Variants in BICD1 observed in about 807,000 individuals in gnomAD.
BICD1 encodes protein bicaudal D homolog 1.
Under a neutral mutation model 92.5 loss-of-function variants are expected in BICD1, and 35 were observed. That is an observed-to-expected ratio of 0.38 (90% confidence interval 0.29 to 0.50). The LOEUF is 0.50. BICD1 is among the 20% of genes least tolerant of loss of function. BICD1 has a pLI of 0.93. For missense variants in BICD1, 950 were observed against 1,189.8 expected (o/e 0.80, Z 2.97); for synonymous variants, 429 against 465.1 (o/e 0.92, Z 1.00).
At chr12:32,214,250 A>C (rs536127362) in intron 1 of BICD1, among the ~76,000 whole-genome samples, 2 of 152,246 alleles carry the variant, frequency 1.3e-5, no homozygotes, top group African/African-American at 4.8e-5. Context: ...TAACTTCTCC[A>C]AAGACCCTAG....
chr12:32,190,695 C>A (rs879662264), intron 1 of BICD1, among the ~76,000 whole-genome samples: 1 of 152,152 alleles, frequency 6.6e-6, no homozygotes, highest in Non-Finnish European at 1.5e-5. Flanking sequence ...ATTATCCAGA[C>A]AGAAAATCAA....
chr12:32,321,341 T>C (rs1948650911), intron 4 of BICD1, among the ~76,000 whole-genome samples: 1 of 151,526 alleles, frequency 6.6e-6, no homozygotes. Flanking sequence ...AAATAAAAAA[T>C]AAAAGGTAAA....
chr12:32,240,432 G>A (rs189756923), intron 2 of BICD1, among the ~76,000 whole-genome samples: 1 of 152,224 alleles, frequency 6.6e-6, no homozygotes, highest in Admixed American at 6.5e-5. Flanking sequence ...CATTCTGTGT[G>A]TTCACTGACT....
At chr12:32,149,020 C>CA (rs35156666) in intron 1 of BICD1, among the ~76,000 whole-genome samples, 25,938 of 146,724 alleles carry the variant, frequency 0.18, 2,495 homozygotes, top group East Asian at 0.28. Flanking sequence ...GCTCTGTCTC[C>CA]AAAAAAAAAA....
intron 2 of BICD1, among the ~76,000 whole-genome samples, chr12:32,232,461 T>A (rs1396839117): frequency 2.0e-4 from 30 of 150,066 alleles, no homozygotes; most frequent in Admixed American, 4.0e-4. Flanking sequence ...TAAATTTGTT[T>A]GAGTTCATTG....
At chr12:32,197,387 A>G (rs1183268324) in intron 1 of BICD1, among the ~76,000 whole-genome samples, 1 of 152,234 alleles carries the variant, frequency 6.6e-6, no homozygotes, top group Non-Finnish European at 1.5e-5. Context: ...AAGCATTGGC[A>G]GGGTTATGAG....
rs35062570 is a variant in BICD1 at position 32,291,529 on chromosome 12, CAA to C, written c.427-2455_427-2454del. On this transcript the variant is annotated intron_variant, in intron 2 of 9. Transcript: ENST00000652176. ...CAACAGAGCAAGACCCTGCTTCTAC[CAA>C]AAAAAAAAATATATATTAAATTTGT... Among the ~76,000 whole-genome samples, 527 of 147,226 alleles carry C rather than the reference CAA, an allele frequency of 3.6e-3. 5 individuals carry two copies. Among genetic ancestry groups the C allele is most frequent in the African/African-American group, 0.013 (500 of 39,760 alleles).
intron 4 of BICD1, among the ~76,000 whole-genome samples, chr12:32,325,147 G>GTT (rs57917790): frequency 6.7e-6 from 1 of 149,966 alleles, no homozygotes; most frequent in South Asian, 2.1e-4. Flanking sequence ...CTCCATTTAT[G>GTT]TTTTTTTTTT....
intron 1 of BICD1, among the ~76,000 whole-genome samples, chr12:32,173,065 T>TGC (rs1943993439): frequency 1.7e-5 from 2 of 119,034 alleles, no homozygotes; most frequent in Non-Finnish European, 4.0e-5. Context: ...TTGTTTTTTT[T>TGC]GGAGACAGCG....
At chr12:32,376,857 G>A (rs1939989717) in intron 9 of BICD1, among the ~76,000 whole-genome samples, 1 of 102,648 alleles carries the variant, frequency 9.7e-6, no homozygotes, top group Non-Finnish European at 1.8e-5. Flanking sequence ...AAAACAACGA[G>A]ACTCCATCTA....
intron 3 of BICD1, among the ~76,000 whole-genome samples, chr12:32,299,085 AT>A (rs1279328355): frequency 6.6e-6 from 1 of 152,192 alleles, no homozygotes; most frequent in Non-Finnish European, 1.5e-5. Flanking sequence ...TTAAAGCCAC[AT>A]GTTAGGTTTG....
At chr12:32,304,250 T>C (rs1401955042) in intron 3 of BICD1, among the ~76,000 whole-genome samples, 1 of 152,206 alleles carries the variant, frequency 6.6e-6, no homozygotes, top group East Asian at 1.9e-4. Flanking sequence ...ATGATGATGA[T>C]ACTGGTCAAT....
At chr12:32,119,869 T>TCAAAACAAAA (rs5797453) in intron 1 of BICD1, among the ~76,000 whole-genome samples, 2 of 150,856 alleles carry the variant, frequency 1.3e-5, no homozygotes, top group Admixed American at 6.6e-5. Context: ...AGACTCTGTC[T>TCAAAACAAAA]CAAAACAAAA....
chr12:32,150,219 G>A (rs1055234980), intron 1 of BICD1, among the ~76,000 whole-genome samples: 2 of 152,176 alleles, frequency 1.3e-5, no homozygotes, highest in African/African-American at 4.8e-5. Context: ...AGATTTGGGT[G>A]GGGACACAGC....
intron 4 of BICD1, among the ~76,000 whole-genome samples, chr12:32,314,774 T>A (rs887449515): frequency 7.0e-5 from 10 of 142,922 alleles, no homozygotes; most frequent in East Asian, 4.5e-4. Flanking sequence ...TTTTTTTTTT[T>A]AAAAGAGATG....
At chr12:32,327,383 A>G (rs768825819) in intron 4 of BICD1, 78 bp from the exon 5 acceptor site, 14 of 1,502,076 alleles carry the variant, frequency 9.3e-6, no homozygotes, top group Non-Finnish European at 1.3e-5. Context: ...AAGTGTATAC[A>G]TGCCCGACTG....
intron 4 of BICD1, among the ~76,000 whole-genome samples, chr12:32,315,033 C>T (rs981582552): frequency 5.3e-5 from 8 of 152,114 alleles, no homozygotes; most frequent in African/African-American, 1.9e-4. Flanking sequence ...GTTGTCTAAT[C>T]TAAGGTCATG....
In BICD1 at chr12:32,309,457, A is replaced by T. The variant is rs545633131; in HGVS notation, c.1005+3335A>T. ...ATTGTGATATCTCCACTGGGATCAG[A>T]TGCAGCATCCGGTGATCAAATAATA... is the stretch of plus-strand genomic sequence containing the variant. On this transcript the variant is annotated intron_variant, in intron 4 of 9. Transcript: ENST00000652176. Among the ~76,000 whole-genome samples the T allele has an allele frequency of 8.6e-4, 131 of 152,356 alleles. 2 individuals carry two copies. Among genetic ancestry groups the T allele is most frequent in the Non-Finnish European group, 6.0e-4 (41 of 68,030 alleles).
chr12:32,172,521 C>T (rs577704681), intron 1 of BICD1, among the ~76,000 whole-genome samples: 2 of 152,278 alleles, frequency 1.3e-5, no homozygotes, highest in South Asian at 4.2e-4. Flanking sequence ...TTGAATTCAC[C>T]TTGTTCTCTC....
Sources: allele counts gnomAD v4.1 joint callset (sites outside exome capture counted in the v4.1 genomes callset), GRCh38; gene constraint gnomAD v4.1.1; transcripts MANE v1.5; gene names NCBI Gene and HGNC (gene_info 2026-07-23, HGNC 2026-07-21).